PNPT1: variants seen among roughly 807,000 people sequenced by gnomAD.
PNPT1 encodes polyribonucleotide nucleotidyltransferase 1.
PNPT1 carries 53 observed loss-of-function variants against 119.5 expected under a neutral mutation model. The ratio of observed to expected loss-of-function variants is 0.44; its 90% CI spans 0.36 to 0.56. The LOEUF (loss-of-function observed/expected upper bound fraction) is 0.56, where lower values mean the gene tolerates loss of function less well. Ranked by LOEUF, PNPT1 falls within the 20% of genes least tolerant of loss-of-function variation. PNPT1 has a pLI of 0.00. For synonymous variants in PNPT1, 357 were observed against 322.1 expected (o/e 1.11, Z -1.16); for missense variants, 948 against 938.5 (o/e 1.01, Z -0.13).
intron 27 of PNPT1, among the ~76,000 whole-genome samples, chr2:55,637,177 C>CT (rs1695702847): frequency 1.3e-5 from 2 of 152,186 alleles, no homozygotes; most frequent in South Asian, 4.1e-4. Context: ...AGCTCAAAAA[C>CT]TTTAAGTAGT....
chr2:55,642,139 C>T (rs1282685561), intron 25 of PNPT1, among the ~76,000 whole-genome samples: 2 of 150,522 alleles, frequency 1.3e-5, no homozygotes, highest in East Asian at 1.9e-4. Flanking sequence ...CATGCACAGC[C>T]GAAATTGGAT....
chr2:55,652,697 A>G (rs1295751428), intron 18 of PNPT1, among the ~76,000 whole-genome samples: 1 of 152,218 alleles, frequency 6.6e-6, no homozygotes, highest in Non-Finnish European at 1.5e-5. Flanking sequence ...TATCATAAAG[A>G]TATCATAAAC....
intron 8 of PNPT1, among the ~76,000 whole-genome samples, chr2:55,678,441 T>C (rs1349058108): frequency 6.6e-6 from 1 of 152,212 alleles, no homozygotes. Flanking sequence ...CAATGAGGTG[T>C]AAATAGAAAC....
chr2:55,693,513 C>T (rs1040315336), intron 1 of PNPT1, 150 bp downstream of exon 1: 4 of 1,170,136 alleles, frequency 3.4e-6, no homozygotes, highest in Non-Finnish European at 4.8e-6. Flanking sequence ...ACATTCCAAA[C>T]CCGGAAAGGG....
At chr2:55,644,863 TAAAA>T in intron 22 of PNPT1, 143 bp from the exon 23 acceptor site, 1 of 487,740 alleles carries the variant, frequency 2.1e-6, no homozygotes, top group Non-Finnish European at 3.6e-6. Context: ...AGTAGATGAT[TAAAA>T]TTACTGAAAA....
Position 55,679,703 on chromosome 2 carries a change from C to T in PNPT1, c.658G>A (p.Gly220Arg). ...SSSTLNLVVA[G>R]APKSQIVMLE... ...TTACCAATCTGACTTTTAGGTGCTC[C>T]AGCAACCACTAAATTTAAAGTACTA... Residue 220 changes from glycine to arginine, a missense_variant, in exon 8 of 28, where the codon GGA becomes AGA. Gly to Arg is a moderately radical substitution (Grantham distance 125). Coordinates refer to ENST00000447944, the MANE Select transcript of PNPT1 (RefSeq NM_033109.5). 6.2e-7 allele frequency: 1 copy of T among 1,609,504 alleles called. No individual in the cohort carries two copies. The highest frequency in any genetic ancestry group is 1.7e-5 in the Admixed American group (1 of 59,662).
intron 1 of PNPT1, among the ~76,000 whole-genome samples, chr2:55,688,196 C>G (rs1697476366): frequency 6.6e-6 from 1 of 152,036 alleles, no homozygotes; most frequent in South Asian, 2.1e-4. Context: ...GTGCACACCA[C>G]TACACTTGGC....
chr2:55,672,766 C>G (rs1696953397), intron 9 of PNPT1, 127 bp downstream of exon 9: 1 of 869,386 alleles, frequency 1.2e-6, no homozygotes. Flanking sequence ...ATGGGAATGA[C>G]TCTTAAAACA....
In PNPT1 at chr2:55,654,931, T is replaced by G. The variant is rs771052463; in HGVS notation, c.1464A>C (p.Ala488=). Residue 488 remains alanine, a synonymous_variant, in exon 18 of 28, where the codon GCA becomes GCC. Transcript: ENST00000447944. The part of the protein sequence containing the change: ...ESNGSSSMAS[A]CGGSLALMDS... ...CCATTAATGCTAAACTTCCGCCACA[T>G]GCAGATGCCATAGAAGATGACCCTA... 4 of 1,613,522 alleles carry G rather than the reference T, an allele frequency of 2.5e-6. No homozygotes were observed. Among genetic ancestry groups the G allele is most frequent in the Non-Finnish European group, 3.4e-6 (4 of 1,179,740 alleles).
chr2:55,641,162 G>A (rs1415861164), intron 25 of PNPT1, among the ~76,000 whole-genome samples: 1 of 152,030 alleles, frequency 6.6e-6, no homozygotes, highest in Non-Finnish European at 1.5e-5. Context: ...AGGCGGAGGT[G>A]GCAGTGAGCC....
chr2:55,685,104 C>T, intron 3 of PNPT1, 56 bp from the exon 4 acceptor site: 1 of 1,324,334 alleles, frequency 7.6e-7, no homozygotes, highest in Admixed American at 2.2e-5. Context: ...ACAAACTATA[C>T]TGTATGAATG....
chr2:55,647,492 C>A (rs925864152), intron 18 of PNPT1, 39 bp from the exon 19 acceptor site: 2 of 1,430,332 alleles, frequency 1.4e-6, no homozygotes, highest in African/African-American at 1.4e-5. Flanking sequence ...GTAATGTGTA[C>A]ATGAGCCTAA....
At chr2:55,656,037 T>C (rs2104071612) in intron 17 of PNPT1, 94 bp downstream of exon 17, 1 of 1,463,632 alleles carries the variant, frequency 6.8e-7, no homozygotes, top group South Asian at 1.4e-5. Flanking sequence ...GGTTCTGTAG[T>C]AATAAACAAA....
chr2:55,671,396 C>A lies in PNPT1; in HGVS notation c.919-20G>T. ...GGAAACCTAAAAGAAAGTTGAGGTT[C>A]AGTTATTACATATACATGACAACAT... On this transcript the variant is annotated intron_variant, in intron 10 of 27. Coordinates refer to ENST00000447944, the MANE Select transcript of PNPT1 (RefSeq NM_033109.5). 2.1e-6 allele frequency: 3 copies of A among 1,438,826 alleles called. No homozygotes were observed. Among genetic ancestry groups the A allele is most frequent in the South Asian group, 2.7e-5 (2 of 74,140 alleles). The allele number at this position is 1,438,826 out of a possible 1,614,324, so 89.1% of individuals were successfully genotyped here. A position where few individuals can be genotyped will look rare whatever the true frequency, so the allele number is the denominator to read the frequency against.
intron 8 of PNPT1, among the ~76,000 whole-genome samples, chr2:55,676,142 C>T (rs1697062610): frequency 6.6e-6 from 1 of 151,664 alleles, no homozygotes; most frequent in Non-Finnish European, 1.5e-5. Flanking sequence ...CGCCTGTAGT[C>T]CCAGCTACTT....
chr2:55,671,293 A>C (rs775994281), intron 11 of PNPT1, 26 bp downstream of exon 11: 4 of 1,343,104 alleles, frequency 3.0e-6, no homozygotes, highest in Non-Finnish European at 1.0e-6. Flanking sequence ...CAGCAAAAAA[A>C]TAAAATAAAA....
intron 5 of PNPT1, 82 bp from the exon 6 acceptor site, chr2:55,681,000 G>A: frequency 9.1e-7 from 1 of 1,097,284 alleles, no homozygotes; most frequent in Non-Finnish European, 1.4e-6. Context: ...GCACTATATG[G>A]CTAAAAGCAG....
chr2:55,650,281 T>G (rs11902712), intron 18 of PNPT1, among the ~76,000 whole-genome samples: 5 of 152,066 alleles, frequency 3.3e-5, no homozygotes, highest in Non-Finnish European at 7.4e-5. Flanking sequence ...TGCCTGCGAT[T>G]GCAGGCGCGC....
At chr2:55,667,755 A>C in intron 12 of PNPT1, 107 bp downstream of exon 12, 1 of 1,363,234 alleles carries the variant, frequency 7.3e-7, no homozygotes. Context: ...ATAATTCTTT[A>C]CTGTTCACTT....
Sources: allele counts gnomAD v4.1 joint callset (sites outside exome capture counted in the v4.1 genomes callset), GRCh38; gene constraint gnomAD v4.1.1; transcripts MANE v1.5; gene names NCBI Gene and HGNC (gene_info 2026-07-23, HGNC 2026-07-21).